The following AKAP8 variants were observed in gnomAD, a reference collection of about 807,000 sequenced individuals.
AKAP8 encodes A-kinase anchoring protein 8.
Under a neutral mutation model 67.5 loss-of-function variants are expected in AKAP8, and 24 were observed. The observed-to-expected ratio is 0.36, with a 90% CI of 0.26 to 0.50. AKAP8 has a LOEUF of 0.50. AKAP8 is among the 20% of genes least tolerant of loss of function. The probability of loss-of-function intolerance (pLI) is 0.97; values close to 1 mark genes in which losing one functional copy is unlikely to be tolerated. For synonymous variants in AKAP8, 400 were observed against 371.1 expected (o/e 1.08, Z -0.90); for missense variants, 971 against 955.9 (o/e 1.02, Z -0.21).
At position 15,359,076 on chromosome 19, in the gene AKAP8, CAAATGTGAGCTCTTAA is replaced by C. The variant is rs1256034861; in HGVS notation, c.1528-30_1528-15del. The stretch of plus-strand genomic sequence containing the variant: ...TTCAGCAGCCAACTGCAAAGGGAAC[CAAATGTGAGCTCTTAA>C]AAATGGCAAAGATTAAGGAAGAGAA... On this transcript the variant is annotated splice_polypyrimidine_tract_variant and intron_variant, in intron 12 of 13. Coordinates refer to ENST00000269701, the MANE Select transcript of AKAP8 (RefSeq NM_005858.4). 1.2e-6 allele frequency: 2 copies of C among 1,608,860 alleles called. No individual in the cohort carries two copies. The highest frequency in any genetic ancestry group is 1.7e-6 in the Non-Finnish European group (2 of 1,175,414).
intron 4 of AKAP8, 64 bp from the exon 5 acceptor site, chr19:15,373,404 G>A (rs1599571235): frequency 1.3e-5 from 19 of 1,515,428 alleles, no homozygotes; most frequent in Non-Finnish European, 1.7e-5. Context: ...CACTCCCTCA[G>A]TATAACCTCG....
At chr19:15,368,736 A>G (rs1967108385) in intron 8 of AKAP8, 1 of 985,352 alleles carries the variant, frequency 1.0e-6, no homozygotes, top group East Asian at 1.1e-4. Context: ...GAAGTGAAGC[A>G]GCTGCTCCGC....
chr19:15,370,260 C>G, intron 7 of AKAP8, 81 bp from the exon 8 acceptor site: 1 of 1,533,938 alleles, frequency 6.5e-7, no homozygotes, highest in African/African-American at 1.4e-5. Flanking sequence ...CTGGCCACTG[C>G]CTGGTGGGCA....
Position 15,372,013 on chromosome 19 carries a change from G to A in AKAP8, c.992-15C>T. 1 of 1,614,070 alleles carries A rather than the reference G, an allele frequency of 6.2e-7. No homozygotes were observed. The highest frequency in any genetic ancestry group is 8.5e-7 in the Non-Finnish European group (1 of 1,180,034). Reference sequence around the variant, plus strand: ...AGCTGCGTCATCTGCCAGACACAAAGAAAGGAAAAGTCAGTCCCCGGAGAA... The same window carrying A: ...AGCTGCGTCATCTGCCAGACACAAAAAAAGGAAAAGTCAGTCCCCGGAGAA... On this transcript the variant is annotated splice_polypyrimidine_tract_variant and intron_variant, in intron 6 of 13. Transcript: ENST00000269701.
chr19:15,376,927 T>C, intron 2 of AKAP8, 49 bp downstream of exon 2: 2 of 1,592,574 alleles, frequency 1.3e-6, no homozygotes, highest in Non-Finnish European at 1.7e-6. Context: ...TGCTAGGGCC[T>C]TGAGTTAGGG....
intron 2 of AKAP8, 98 bp downstream of exon 2, chr19:15,376,878 G>A (rs1195137963): frequency 4.9e-6 from 7 of 1,417,868 alleles, no homozygotes; most frequent in Admixed American, 2.0e-5. Flanking sequence ...GCTGACCCCT[G>A]GGCTACTACT....
At chr19:15,368,050 G>C (rs1967096580) in intron 9 of AKAP8, among the ~76,000 whole-genome samples, 185 bp downstream of exon 9, 1 of 152,246 alleles carries the variant, frequency 6.6e-6, no homozygotes, top group Non-Finnish European at 1.5e-5. Flanking sequence ...TAGCTCGTGT[G>C]CTGGGAGCAC....
At position 15,355,325 on chromosome 19, in the gene AKAP8, C is replaced by T. The variant is rs138139780; in HGVS notation, c.1669G>A (p.Gly557Arg). 1 of 1,613,754 alleles carries T rather than the reference C, an allele frequency of 6.2e-7. No individual in the cohort carries two copies. The highest frequency in any genetic ancestry group is 1.3e-5 in the African/African-American group (1 of 74,930). Residue 557 changes from glycine (G) to arginine (R), a missense_variant, in exon 14 of 14, where the codon GGA (glycine) becomes AGA (arginine). Physicochemically the swap from Gly to Arg is moderately radical, Grantham distance 125. Around this residue, in one of 3 missense-constraint regions of AKAP8, gnomAD observed 204 missense variants for 193.0 expected, o/e 1.06. Transcript: ENST00000269701. ...TCCTCACCTCCTAAATTGTCATCTC[C>T]TTCCATTTCTGGATCAACAGTTTCA... ...TSETVDPEME[G>R]DDNLGGEDKK... is the part of the protein sequence containing the mutation.
intron 8 of AKAP8, chr19:15,368,792 G>A (rs890716977): frequency 1.1e-5 from 11 of 985,142 alleles, no homozygotes; most frequent in East Asian, 1.1e-4. Context: ...GCGTCCTGGC[G>A]GCCCCGTCTG....
intron 9 of AKAP8, among the ~76,000 whole-genome samples, chr19:15,363,199 C>T (rs1261480526): frequency 1.1e-4 from 17 of 151,688 alleles, no homozygotes; most frequent in East Asian, 5.9e-4. Context: ...CGTCTCCGCC[C>T]GGCAGCCACC....
rs1967111463 is a variant in AKAP8 at position 15,368,922 on chromosome 19, T to G, written c.1073-600A>C. ...TGGGAAGCAATCCTAGAAAAAAATT[T>G]GGGAAGAGACCAATTGGTCCTCCCG... On this transcript the variant is annotated intron_variant, in intron 8 of 13. Transcript: ENST00000269701. 3 of 985,742 alleles carry G rather than the reference T, an allele frequency of 3.0e-6. No individual in the cohort carries two copies. In the South Asian group the frequency reaches 1.4e-4, roughly 46 times the overall value. 61.1% of individuals were successfully genotyped at this position (985,742 alleles called of 1,614,324 possible). A position where few individuals can be genotyped will look rare whatever the true frequency, so the allele number is the denominator to read the frequency against.
chr19:15,375,560 T>G (rs552952877), intron 2 of AKAP8, among the ~76,000 whole-genome samples: 1 of 152,102 alleles, frequency 6.6e-6, no homozygotes, highest in Non-Finnish European at 1.5e-5. Context: ...ACAAAAACTA[T>G]GAGCTATAGT....
In AKAP8 at chr19:15,377,009, C is replaced by G; in HGVS notation, c.25G>C (p.Gly9Arg). The change falls in exon 2 of 14, where the codon GGG becomes CGG. Residue 9 changes from glycine (G) to arginine (R), a missense_variant. Gly to Arg is a moderately radical substitution (Grantham distance 125). Around this residue, in one of 3 missense-constraint regions of AKAP8, gnomAD observed 763 missense variants for 745.4 expected, o/e 1.02. Coordinates refer to ENST00000269701, the MANE Select transcript of AKAP8 (RefSeq NM_005858.4). MDQGYGGYGAWSAGPANTQ... is the reference protein window; with the variant it reads MDQGYGGYRAWSAGPANTQ... Reference sequence around the variant, plus strand: ...TTGGCAGGTCCAGCACTCCACGCCCCGTAGCCTGCAAGAAGACCCCGTGAG... The same window carrying G: ...TTGGCAGGTCCAGCACTCCACGCCCGGTAGCCTGCAAGAAGACCCCGTGAG... The G allele has an allele frequency of 1.2e-6, 2 of 1,613,188 alleles. No homozygotes were observed. The highest frequency in any genetic ancestry group is 1.7e-6 in the Non-Finnish European group (2 of 1,179,702).
rs752767200 is a variant in AKAP8, at chr19:15,373,207, G to GC, written c.504dup (p.Gln169AlafsTer4). ...GCTGGGTCTCGGCATTCACTGTACT[G>GC]CCCCCCAAAGCTGCCATTGCGGTCG... is the stretch of plus-strand genomic sequence containing the variant. On this transcript the variant is annotated frameshift_variant, in exon 5 of 14. Coordinates refer to ENST00000269701, the MANE Select transcript of AKAP8 (RefSeq NM_005858.4). LOFTEE classifies it high-confidence loss of function. 1.2e-6 allele frequency: 2 copies of GC among 1,613,810 alleles called. No homozygotes were observed. Among genetic ancestry groups the GC allele is most frequent in the South Asian group, 1.1e-5 (1 of 91,090 alleles).
chr19:15,363,417 C>T (rs1447688816), intron 9 of AKAP8, among the ~76,000 whole-genome samples: 4 of 149,490 alleles, frequency 2.7e-5, no homozygotes, highest in Non-Finnish European at 4.5e-5. Context: ...CGCCTCTGCC[C>T]GGCCGCCCCT....
Position 15,358,874 on chromosome 19 carries a change from C to T in AKAP8, c.1623+93G>A, listed in dbSNP as rs1490914596. The T allele has an allele frequency of 4.3e-6, 5 of 1,166,200 alleles. No homozygotes were observed. In the African/African-American group the frequency reaches 6.1e-5, roughly 14 times the overall value. 72.2% of individuals were successfully genotyped at this position (1,166,200 alleles called of 1,614,324 possible). On this transcript the variant is annotated intron_variant, in intron 13 of 13. Transcript: ENST00000269701. ...TCAACTGTCAAAAGACTCAGAAATG[C>T]TAAATGCTGCACTCTGGATTCAACT...
chr19:15,368,125 G>A (rs907755804), intron 9 of AKAP8, 110 bp downstream of exon 9: 3 of 1,421,322 alleles, frequency 2.1e-6, no homozygotes, highest in Non-Finnish European at 2.9e-6. Flanking sequence ...TTGGCCAGAG[G>A]AGTCAGGCCA....
At chr19:15,375,037 G>A (rs1204515473) in intron 2 of AKAP8, among the ~76,000 whole-genome samples, 2 of 152,172 alleles carry the variant, frequency 1.3e-5, no homozygotes, top group South Asian at 2.1e-4. Flanking sequence ...GCAAAGTCAC[G>A]TCCTCAACTC....
At chr19:15,361,007 C>G in intron 11 of AKAP8, 29 bp from the exon 12 acceptor site, 1 of 1,605,044 alleles carries the variant, frequency 6.2e-7, no homozygotes, top group South Asian at 1.1e-5. Context: ...CTTGTAGGAT[C>G]TGGGACAGCA....
Sources: gnomAD v4.1 joint callset for allele counts (sites outside exome capture counted in the v4.1 genomes callset) on GRCh38, gnomAD v4.1.1 for gene constraint, gnomAD v4.1.1 regional missense constraint, MANE v1.5 for transcripts, NCBI Gene and HGNC (gene_info 2026-07-23, HGNC 2026-07-21) for gene names.